RAPH1: variants seen among roughly 807,000 people sequenced by gnomAD.
The protein encoded by RAPH1 is ras-associated and pleckstrin homology domains-containing protein 1.
RAPH1 carries 18 observed loss-of-function variants against 88.1 expected under a neutral mutation model. That is an observed-to-expected ratio of 0.20 (90% CI 0.14 to 0.30). RAPH1 has a LOEUF of 0.30. Among genes scored for constraint, RAPH1 ranks in the 10% least tolerant of loss-of-function variants. The pLI is 1.00. For synonymous variants in RAPH1, 587 were observed against 559.0 expected (o/e 1.05, Z -0.71); for missense variants, 1,448 against 1,543.2 (o/e 0.94, Z 1.03).
At position 203,477,014 on chromosome 2, in the gene RAPH1, G is replaced by C; in HGVS notation, c.732+12570C>G. ...GTTATATGAAAAGGTTTCATCATTT[G>C]GAGGTCTAATGAATGCATTCCTCTT... On this transcript the variant is annotated intron_variant, in intron 4 of 13. Transcript: ENST00000319170. 4 of 1,107,152 alleles carry C rather than the reference G, an allele frequency of 3.6e-6. No homozygotes were observed. The Admixed American group carries it at 7.9e-5, about 22-fold the overall frequency. The allele number at this position is 1,107,152 out of a possible 1,614,324, so 68.6% of individuals were successfully genotyped here.
chr2:203,448,819 C>G lies in RAPH1; in HGVS notation c.1431G>C (p.Lys477Asn). Residue 477 changes from lysine (K) to asparagine (N), a missense_variant, in exon 11 of 14, where the codon AAG becomes AAC. Lys to Asn is a moderately conservative substitution (Grantham distance 94). Around this residue, in one of 2 missense-constraint regions of RAPH1, gnomAD observed 513 missense variants for 653.1 expected, o/e 0.79. Transcript: ENST00000319170. This position sits in a 1 kb window ranked among gnomAD's most constrained non-coding sequence, Gnocchi z 4.1. ...AAAGGTATTTGATATATTGAGATTT[C>G]TTCTGGATTTGTGGATGCTGCAAGA... ...CLVLKHPQIQ[K>N]KSQYIKYLCC... is the part of the protein sequence containing the mutation. The G allele has an allele frequency of 6.2e-7, 1 of 1,609,752 alleles. No homozygotes were observed. Among genetic ancestry groups the G allele is most frequent in the Non-Finnish European group, 8.5e-7 (1 of 1,178,342 alleles).
chr2:203,441,891 A>C lies in RAPH1; in HGVS notation c.1777-478T>G. 4 of 1,349,744 alleles carry C rather than the reference A, an allele frequency of 3.0e-6. No homozygotes were observed. In the South Asian group the frequency reaches 6.5e-5, roughly 22 times the overall value. 83.6% of individuals were successfully genotyped at this position (1,349,744 alleles called of 1,614,324 possible). ...TGGGTTTAGGAGGGCTTCCTGGTGG[A>C]ATGAGGATGGCTTTTTGATGCTAGT... On this transcript the variant is annotated intron_variant, in intron 13 of 13. Coordinates refer to ENST00000319170, the MANE Select transcript of RAPH1 (RefSeq NM_213589.3).
intron 1 of RAPH1, among the ~76,000 whole-genome samples, chr2:203,520,129 AC>A (rs773079711): frequency 6.9e-4 from 105 of 151,976 alleles, no homozygotes; most frequent in Admixed American, 1.6e-3. Flanking sequence ...AGAGTTCGAG[AC>A]CAGCCTGAGA....
chr2:203,448,961 C>T lies in RAPH1; in HGVS notation c.1414-125G>A, dbSNP rs576070556. ...TAGAGTAATGGCCAATACATTTATGCTTCTTATATGGCCATAAGGCCAAAT... is the reference window on the plus strand; with the variant it reads ...TAGAGTAATGGCCAATACATTTATGTTTCTTATATGGCCATAAGGCCAAAT... On this transcript the variant is annotated intron_variant, in intron 10 of 13. Coordinates refer to ENST00000319170, the MANE Select transcript of RAPH1 (RefSeq NM_213589.3). The surrounding 1 kb of genome is among the most constrained non-coding windows in gnomAD (Gnocchi z 4.1). 6.4e-6 allele frequency: 3 copies of T among 471,108 alleles called. No homozygotes were observed. The highest frequency in any genetic ancestry group is 1.1e-5 in the Non-Finnish European group (3 of 272,940). 29.2% of individuals were successfully genotyped at this position (471,108 alleles called of 1,614,324 possible). A position where few individuals can be genotyped will look rare whatever the true frequency, so the allele number is the denominator to read the frequency against.
chr2:203,472,058 G>A (rs1336108432), intron 4 of RAPH1, among the ~76,000 whole-genome samples: 2 of 151,934 alleles, frequency 1.3e-5, no homozygotes, highest in African/African-American at 4.8e-5. Flanking sequence ...GGAGGAGGGA[G>A]GGAATTGGGA....
In RAPH1 at chr2:203,516,640, T is replaced by C. The variant is rs148173079; in HGVS notation, c.-1+18471A>G. On this transcript the variant is annotated intron_variant, in intron 1 of 13. Transcript: ENST00000319170. ...GGTGTGCATCTGTAATCCCAGCTAC[T>C]TGGGAGGCTTGAACCTGGGAAGCAG... is the stretch of plus-strand genomic sequence containing the variant. Among the ~76,000 whole-genome samples, 87 of 151,874 alleles carry C rather than the reference T, an allele frequency of 5.7e-4. 1 individual carries two copies. The highest frequency in any genetic ancestry group is 3.4e-3 in the Middle Eastern group (1 of 294).
At chr2:203,493,846 C>T (rs181074835) in intron 2 of RAPH1, among the ~76,000 whole-genome samples, 55 of 151,876 alleles carry the variant, frequency 3.6e-4, no homozygotes, top group African/African-American at 1.2e-3. Context: ...TGGCGCATGC[C>T]TGTAATCCCA....
In RAPH1 at chr2:203,448,924, G is replaced by T; in HGVS notation, c.1414-88C>A. 1.3e-6 allele frequency: 1 copy of T among 790,632 alleles called. No individual in the cohort carries two copies. The allele number at this position is 790,632 out of a possible 1,614,324, so 49.0% of individuals were successfully genotyped here. A position where few individuals can be genotyped will look rare whatever the true frequency, so the allele number is the denominator to read the frequency against. On this transcript the variant is annotated intron_variant, in intron 10 of 13. Coordinates refer to ENST00000319170, the MANE Select transcript of RAPH1 (RefSeq NM_213589.3). The surrounding 1 kb of genome is among the most constrained non-coding windows in gnomAD (Gnocchi z 4.1). The stretch of plus-strand genomic sequence containing the variant: ...TCAAAGCTTAAACATATCCTGACAA[G>T]TTATAGGCCATTAGAGTAATGGCCA...
rs191284489 is a variant in RAPH1, at chr2:203,466,338, G to A, written c.733-4413C>T. 1.6e-4 allele frequency among the ~76,000 whole-genome samples: 25 copies of A among 152,246 alleles called. No homozygotes were observed. The East Asian group carries it at 4.6e-3, about 28-fold the overall frequency. On this transcript the variant is annotated intron_variant, in intron 4 of 13. Coordinates refer to ENST00000319170, the MANE Select transcript of RAPH1 (RefSeq NM_213589.3). ...TGTGGGTAATAAGCTCTTTCTCAGA[G>A]AGTGCTATTTGTGTCTAATGTATTT... is the stretch of plus-strand genomic sequence containing the variant.
chr2:203,491,120 T>A, intron 3 of RAPH1, 94 bp downstream of exon 3: 1 of 669,930 alleles, frequency 1.5e-6, no homozygotes, highest in Non-Finnish European at 2.5e-6. Context: ...GTAGCTTTTA[T>A]ATCGAGTTTT....
chr2:203,457,567 G>T lies in RAPH1; in HGVS notation c.1121C>A (p.Ala374Asp). 6.2e-7 allele frequency: 1 copy of T among 1,612,564 alleles called. No homozygotes were observed. Among genetic ancestry groups the T allele is most frequent in the Non-Finnish European group, 8.5e-7 (1 of 1,178,634 alleles). The change falls in exon 8 of 14, where the codon GCT becomes GAT. Residue 374 changes from alanine (A) to aspartate (D), a missense_variant. This residue lies in a region of RAPH1 where 513 missense variants were observed against 653.1 expected (regional missense o/e 0.79). Coordinates refer to ENST00000319170, the MANE Select transcript of RAPH1 (RefSeq NM_213589.3). ...TTCTTTGTTTCTATCTGCCATCTCA[G>T]CTGTTTCTTTTTTCCCCAAAAGATA... ...QNYLLGKKET[A>D]EMADRNKEVL...
At chr2:203,464,530 C>G (rs1185757235) in intron 4 of RAPH1, among the ~76,000 whole-genome samples, 1 of 152,244 alleles carries the variant, frequency 6.6e-6, no homozygotes, top group Non-Finnish European at 1.5e-5. Flanking sequence ...CTAGACCTCC[C>G]AAAGTGCTGG....
intron 9 of RAPH1, 132 bp downstream of exon 9, chr2:203,455,305 A>G: frequency 2.5e-6 from 2 of 793,434 alleles, no homozygotes; most frequent in South Asian, 2.6e-5. Context: ...AGATTAATAA[A>G]CAAAGCAATA....
intron 1 of RAPH1, among the ~76,000 whole-genome samples, chr2:203,533,746 A>C (rs919143671): frequency 2.0e-5 from 3 of 151,646 alleles, no homozygotes; most frequent in Admixed American, 2.0e-4. Flanking sequence ...CCGCACCCCC[A>C]AAAAAACCAC....
intron 4 of RAPH1, among the ~76,000 whole-genome samples, chr2:203,475,924 T>A (rs1441781301): frequency 6.6e-6 from 1 of 152,060 alleles, no homozygotes; most frequent in Non-Finnish European, 1.5e-5. Flanking sequence ...TATTTCTCCT[T>A]CATAGGTGTT....
Position 203,462,948 on chromosome 2 carries a change from C to T in RAPH1, c.733-1023G>A, listed in dbSNP as rs576685005. On this transcript the variant is annotated intron_variant, in intron 4 of 13. Coordinates refer to ENST00000319170, the MANE Select transcript of RAPH1 (RefSeq NM_213589.3). Reference sequence around the variant, plus strand: ...GGGCGTGTTGGCTCATTTCTGTAATCCTGGCACTTTGGAGGCTGGGGAGGG... The same window carrying T: ...GGGCGTGTTGGCTCATTTCTGTAATTCTGGCACTTTGGAGGCTGGGGAGGG... 4.6e-5 allele frequency among the ~76,000 whole-genome samples: 7 copies of T among 152,070 alleles called. No individual in the cohort carries two copies. In the South Asian group the frequency reaches 1.5e-3, roughly 32 times the overall value.
chr2:203,521,586 T>C (rs1183524128), intron 1 of RAPH1, among the ~76,000 whole-genome samples: 3 of 152,154 alleles, frequency 2.0e-5, no homozygotes, highest in African/African-American at 7.2e-5. Context: ...GTGGTGAATA[T>C]GTAGATGTCT....
Position 203,448,684 on chromosome 2 carries a change from T to A in RAPH1, c.1512+54A>T. ...GAATAGTTGTCATGAAAACGAAAAC[T>A]ATATCATCGACAAACACCTCATTAT... On this transcript the variant is annotated intron_variant, in intron 11 of 13. Transcript: ENST00000319170. The surrounding 1 kb of genome is among the most constrained non-coding windows in gnomAD (Gnocchi z 4.1). The A allele has an allele frequency of 1.6e-6, 2 of 1,263,942 alleles. No homozygotes were observed. The highest frequency in any genetic ancestry group is 2.2e-6 in the Non-Finnish European group (2 of 894,188). 78.3% of individuals were successfully genotyped at this position (1,263,942 alleles called of 1,614,324 possible). A position where few individuals can be genotyped will look rare whatever the true frequency, so the allele number is the denominator to read the frequency against.
chr2:203,461,808 G>A (rs2098524420), intron 5 of RAPH1, 40 bp downstream of exon 5: 2 of 1,493,224 alleles, frequency 1.3e-6, no homozygotes, highest in African/African-American at 1.4e-5. Flanking sequence ...CCAAAAAACT[G>A]ATAAAAAAAT....
Sources: allele counts gnomAD v4.1 joint callset (sites outside exome capture counted in the v4.1 genomes callset), GRCh38; gene constraint gnomAD v4.1.1; regional missense constraint gnomAD v4.1.1; non-coding constraint Gnocchi (gnomAD v3.1); transcripts MANE v1.5; gene names NCBI Gene and HGNC (gene_info 2026-07-23, HGNC 2026-07-21).